Variants in PLCH1 observed in about 807,000 individuals in gnomAD.
PLCH1 encodes the protein 1-phosphatidylinositol 4,5-bisphosphate phosphodiesterase eta-1.
Under a neutral mutation model 126.7 loss-of-function variants are expected in PLCH1, and 60 were observed. The ratio of observed to expected loss-of-function variants is 0.47; its 90% CI spans 0.38 to 0.59. The LOEUF (loss-of-function observed/expected upper bound fraction) is 0.59, where lower values mean the gene tolerates loss of function less well. Among genes scored for constraint, PLCH1 ranks in the 20% least tolerant of loss-of-function variants. PLCH1 has a pLI of 0.00. For synonymous variants in PLCH1, 719 were observed against 734.9 expected (o/e 0.98, Z 0.35); for missense variants, 1,723 against 2,040.0 (o/e 0.84, Z 2.99).
At chr3:155,688,877 G>A (rs567292527) in intron 2 of PLCH1, among the ~76,000 whole-genome samples, 1 of 152,358 alleles carries the variant, frequency 6.6e-6, no homozygotes, top group Admixed American at 6.5e-5. Flanking sequence ...CTTAGCCGCT[G>A]TAGAATAGAA....
chr3:155,474,004 A>T (rs1228470468), intron 21 of PLCH1, among the ~76,000 whole-genome samples: 1 of 151,914 alleles, frequency 6.6e-6, no homozygotes, highest in Non-Finnish European at 1.5e-5. Flanking sequence ...ACCATTCAGG[A>T]CATAGGCATG....
chr3:155,526,425 G>GTC (rs369809883), intron 10 of PLCH1, among the ~76,000 whole-genome samples: 2,632 of 122,922 alleles, frequency 0.021, 209 homozygotes, highest in Admixed American at 0.16. Context: ...TCTCTCTTCT[G>GTC]TCTCTCTCTC....
intron 10 of PLCH1, among the ~76,000 whole-genome samples, chr3:155,526,534 G>A (rs1295557573): frequency 8.1e-6 from 1 of 123,924 alleles, no homozygotes; most frequent in Non-Finnish European, 1.8e-5. Context: ...ACACACACTG[G>A]TGTCGTGAGC....
chr3:155,640,728 A>T (rs1739300923), intron 2 of PLCH1, among the ~76,000 whole-genome samples: 1 of 152,222 alleles, frequency 6.6e-6, no homozygotes, highest in Non-Finnish European at 1.5e-5. Context: ...TTATTAGATT[A>T]TTGGCCCAAA....
chr3:155,608,823 C>T lies in PLCH1; in HGVS notation c.80-12445G>A, dbSNP rs6779722. ...TTGGAAACTTTATGGCCCTGCCCAT[C>T]GCCTGAGAAACCAGAATATTTATCC... is the stretch of plus-strand genomic sequence containing the variant. On this transcript the variant is annotated intron_variant, in intron 2 of 22. Coordinates refer to ENST00000460012, the MANE Select transcript of PLCH1 (RefSeq NM_014996.4). Among the ~76,000 whole-genome samples, 1,335 of 152,192 alleles carry T rather than the reference C, an allele frequency of 8.8e-3. 14 individuals are homozygous for T. The highest frequency in any genetic ancestry group is 0.031 in the African/African-American group (1,282 of 41,532).
intron 2 of PLCH1, among the ~76,000 whole-genome samples, chr3:155,685,204 A>G (rs983800609): frequency 2.6e-5 from 4 of 152,204 alleles, no homozygotes; most frequent in Non-Finnish European, 4.4e-5. Flanking sequence ...TAACAGAGGG[A>G]CTCCAAAAGC....
In PLCH1 at chr3:155,543,620, G is replaced by A. The variant is rs574732950; in HGVS notation, c.1362+6167C>T. 9.6e-3 allele frequency among the ~76,000 whole-genome samples: 1,462 copies of A among 152,204 alleles called. 13 individuals are homozygous for A. The highest frequency in any genetic ancestry group is 0.034 in the African/African-American group (1,404 of 41,506). On this transcript the variant is annotated intron_variant, in intron 10 of 22. Coordinates refer to ENST00000460012, the MANE Select transcript of PLCH1 (RefSeq NM_014996.4). ...CCAAAGTTGAAATGACGGAAAAAAT[G>A]TTAAGGGCAGCCAGAGAGAAAGGTC... is the stretch of plus-strand genomic sequence containing the variant.
At chr3:155,494,948 C>T (rs1465346838) in intron 15 of PLCH1, among the ~76,000 whole-genome samples, 1 of 152,084 alleles carries the variant, frequency 6.6e-6, no homozygotes, top group Admixed American at 6.6e-5. Context: ...TGAAGGCACT[C>T]ATCTAAAAGG....
chr3:155,503,271 T>C (rs1311501905), intron 13 of PLCH1, among the ~76,000 whole-genome samples: 1 of 152,232 alleles, frequency 6.6e-6, no homozygotes, highest in African/African-American at 2.4e-5. Flanking sequence ...ATGTCTACTC[T>C]ATAGGGTTTC....
chr3:155,717,810 G>A (rs1747641173), intron 1 of PLCH1, among the ~76,000 whole-genome samples: 1 of 152,200 alleles, frequency 6.6e-6, no homozygotes, highest in Non-Finnish European at 1.5e-5. Flanking sequence ...TTGGCAATTA[G>A]CACTTGGCTC....
intron 21 of PLCH1, among the ~76,000 whole-genome samples, chr3:155,451,519 T>TA (rs1170202467): frequency 3.9e-5 from 6 of 152,140 alleles, no homozygotes; most frequent in Non-Finnish European, 8.8e-5. Flanking sequence ...TAGCTAAACA[T>TA]TACTTATGGG....
intron 2 of PLCH1, among the ~76,000 whole-genome samples, chr3:155,656,635 C>T (rs911665185): frequency 6.6e-6 from 1 of 152,056 alleles, no homozygotes; most frequent in Non-Finnish European, 1.5e-5. Flanking sequence ...TAGAAATTAG[C>T]GGTTATTTCC....
At chr3:155,571,583 G>A (rs1729234736) in intron 6 of PLCH1, among the ~76,000 whole-genome samples, 10 of 152,152 alleles carry the variant, frequency 6.6e-5, no homozygotes, top group Admixed American at 6.5e-4. Context: ...TATTTTAGTA[G>A]AAACAGGGTT....
intron 21 of PLCH1, among the ~76,000 whole-genome samples, chr3:155,469,912 A>G (rs569979062): frequency 3.3e-5 from 5 of 152,272 alleles, no homozygotes; most frequent in African/African-American, 7.2e-5. Flanking sequence ...CATCCACACC[A>G]AAAACCCATC....
intron 2 of PLCH1, among the ~76,000 whole-genome samples, chr3:155,601,122 A>C (rs1045073370): frequency 1.5e-4 from 23 of 151,954 alleles, no homozygotes; most frequent in South Asian, 2.1e-4. Context: ...CTACAGGCAC[A>C]CGCCACCACG....
rs564804025 is a variant in PLCH1, at chr3:155,470,668, G to C, written c.2938+14688C>G. 2.4e-4 allele frequency among the ~76,000 whole-genome samples: 37 copies of C among 152,190 alleles called. No individual in the cohort carries two copies. The South Asian group carries it at 7.5e-3, about 31-fold the overall frequency. ...AATGAAGGAAAAAATGTTAAGGGCAGCCAGAGAGAAAGGTCGGGTTACCCT... is the reference window on the plus strand; with the variant it reads ...AATGAAGGAAAAAATGTTAAGGGCACCCAGAGAGAAAGGTCGGGTTACCCT... On this transcript the variant is annotated intron_variant, in intron 21 of 21. Coordinates refer to the PLCH1 transcript ENST00000494598.
At chr3:155,488,834 GAAA>G in intron 19 of PLCH1, 28 bp from the exon 20 acceptor site, 1 of 1,590,574 alleles carries the variant, frequency 6.3e-7, no homozygotes, top group Non-Finnish European at 8.5e-7. Context: ...AGAAAAATCA[GAAA>G]AGCAAAGGAC....
chr3:155,483,416 T>G (rs536779481), intron 22 of PLCH1: 1 of 1,471,958 alleles, frequency 6.8e-7, no homozygotes, highest in Non-Finnish European at 9.2e-7. Context: ...ACAAGACAGC[T>G]CTGTTAAACA....
rs556321699 is a variant in PLCH1 at position 155,708,884 on chromosome 3, T to C, written c.-40-4620A>G. Among the ~76,000 whole-genome samples, 4 of 152,316 alleles carry C rather than the reference T, an allele frequency of 2.6e-5. No homozygotes were observed. In the South Asian group the frequency reaches 6.2e-4, roughly 24 times the overall value. ...CTTTATTAAACATACAGATTAATTA[T>C]GGTACCATACAAAATAGTCTCATTG... On this transcript the variant is annotated intron_variant, in intron 1 of 22. Transcript: ENST00000460012.
Sources: gnomAD v4.1 joint callset for allele counts (sites outside exome capture counted in the v4.1 genomes callset) on GRCh38, gnomAD v4.1.1 for gene constraint, MANE v1.5 for transcripts, NCBI Gene and HGNC (gene_info 2026-07-23, HGNC 2026-07-21) for gene names.